The following ITPR2 variants were observed in gnomAD, a reference collection of about 807,000 sequenced individuals.
ITPR2 encodes the protein inositol 1,4,5-trisphosphate receptor type 2, also known as inositol 1,4,5-trisphosphate-gated calcium channel ITPR2.
ITPR2 carries 207 observed loss-of-function variants against 317.1 expected under a neutral mutation model. The observed-to-expected ratio is 0.65, with a 90% CI of 0.58 to 0.73. The LOEUF is 0.73. Among genes scored for constraint, ITPR2 ranks in the 30% least tolerant of loss-of-function variants. The pLI is 0.00. For synonymous variants in ITPR2, 1,156 were observed against 1,149.1 expected (o/e 1.01, Z -0.12); for missense variants, 2,613 against 3,284.0 (o/e 0.80, Z 4.99).
intron 48 of ITPR2, among the ~76,000 whole-genome samples, chr12:26,433,957 A>G (rs1941285641): frequency 6.6e-6 from 1 of 152,208 alleles, no homozygotes; most frequent in Non-Finnish European, 1.5e-5. Flanking sequence ...ATAAAAGATA[A>G]ACTTCATACT....
At chr12:26,595,957 A>G (rs963092970) in intron 31 of ITPR2, among the ~76,000 whole-genome samples, 4 of 152,174 alleles carry the variant, frequency 2.6e-5, no homozygotes, top group African/African-American at 9.7e-5. Context: ...AACAGTAGAA[A>G]AGAAAGACAT....
intron 45 of ITPR2, among the ~76,000 whole-genome samples, chr12:26,444,931 A>AT (rs1260643927): frequency 2.0e-5 from 3 of 152,176 alleles, no homozygotes; most frequent in Middle Eastern, 3.4e-3. Context: ...TTCTATTTAC[A>AT]TTTTTTTAAC....
chr12:26,437,767 G>A (rs1941389785), intron 47 of ITPR2, among the ~76,000 whole-genome samples: 1 of 152,010 alleles, frequency 6.6e-6, no homozygotes, highest in African/African-American at 2.4e-5. Context: ...TATTGTCAAG[G>A]AGAAAATATA....
chr12:26,374,928 T>C (rs1178484544), intron 55 of ITPR2, among the ~76,000 whole-genome samples: 3 of 152,260 alleles, frequency 2.0e-5, no homozygotes, highest in Non-Finnish European at 4.4e-5. Context: ...GGACATGCGG[T>C]TGCCTGATAA....
At chr12:26,468,319 T>C (rs1231251109) in intron 45 of ITPR2, among the ~76,000 whole-genome samples, 4 of 152,234 alleles carry the variant, frequency 2.6e-5, no homozygotes, top group African/African-American at 9.6e-5. Flanking sequence ...TAGGGCCTGT[T>C]GATACAGAGT....
Position 26,659,949 on chromosome 12 carries a change from A to C in ITPR2, c.1714-664T>G, listed in dbSNP as rs74920929. On this transcript the variant is annotated intron_variant, in intron 15 of 56. Transcript: ENST00000381340. ...TCTTTAAAAAGCCACCAAACAGGGC[A>C]ATGTGATTAATCACTTTATTGATTA... Among the ~76,000 whole-genome samples the C allele has an allele frequency of 4.6e-4, 70 of 152,370 alleles. 1 individual carries two copies. Among genetic ancestry groups the C allele is most frequent in the East Asian group, 4.2e-3 (22 of 5,186 alleles).
At chr12:26,413,846 G>A (rs953188438) in intron 51 of ITPR2, among the ~76,000 whole-genome samples, 6 of 152,052 alleles carry the variant, frequency 3.9e-5, no homozygotes, top group African/African-American at 1.2e-4. Flanking sequence ...ATAACACAAT[G>A]ATAACCAAGT....
intron 2 of ITPR2, among the ~76,000 whole-genome samples, chr12:26,788,570 C>CAA (rs909122991): frequency 2.6e-5 from 4 of 152,162 alleles, no homozygotes; most frequent in African/African-American, 9.7e-5. Context: ...ACTCTGAACT[C>CAA]AGTGTGCCTC....
rs548849802 is a variant in ITPR2, at chr12:26,778,054, G to A, written c.163+12103C>T. ...TTAGCTCAGGTTCAACTTACAGTGGGTCCAGTGAGTCCCAGGAGTCATCCT... is the reference window on the plus strand; with the variant it reads ...TTAGCTCAGGTTCAACTTACAGTGGATCCAGTGAGTCCCAGGAGTCATCCT... On this transcript the variant is annotated intron_variant, in intron 2 of 56. Transcript: ENST00000381340. 3.3e-5 allele frequency among the ~76,000 whole-genome samples: 5 copies of A among 152,224 alleles called. No homozygotes were observed. In the East Asian group the frequency reaches 5.8e-4, roughly 18 times the overall value.
At chr12:26,788,056 G>C (rs1021107674) in intron 2 of ITPR2, among the ~76,000 whole-genome samples, 12 of 151,714 alleles carry the variant, frequency 7.9e-5, no homozygotes, top group Admixed American at 2.6e-4. Flanking sequence ...CTGAGTGGCT[G>C]GGATTACAGG....
chr12:26,399,173 A>G, intron 53 of ITPR2, 132 bp from the exon 54 acceptor site: 1 of 621,618 alleles, frequency 1.6e-6, no homozygotes, highest in Non-Finnish European at 2.5e-6. Flanking sequence ...AATAAGGCTC[A>G]CTTTCCATCT....
intron 21 of ITPR2, among the ~76,000 whole-genome samples, chr12:26,653,208 G>A (rs975231945): frequency 3.3e-5 from 5 of 150,100 alleles, no homozygotes; most frequent in East Asian, 2.0e-4. Flanking sequence ...CTTCTCTGGC[G>A]TGATACTTTG....
At chr12:26,599,108 T>G in intron 30 of ITPR2, 37 bp downstream of exon 30, 1 of 1,559,830 alleles carries the variant, frequency 6.4e-7, no homozygotes, top group Non-Finnish European at 8.8e-7. Context: ...AACATACTGT[T>G]TAGGTGAAGC....
intron 2 of ITPR2, 62 bp downstream of exon 2, chr12:26,790,095 G>C: frequency 1.9e-6 from 2 of 1,057,424 alleles, no homozygotes; most frequent in South Asian, 2.6e-5. Flanking sequence ...TACTTACTTT[G>C]AGACATAAAA....
rs1196414915 is a variant in ITPR2, at chr12:26,678,337, AG to A, written c.1409+3536del. Among the ~76,000 whole-genome samples the A allele has an allele frequency of 8.5e-5, 13 of 152,216 alleles. No homozygotes were observed. The East Asian group carries it at 1.9e-3, about 23-fold the overall frequency. ...TTCCATTGAAAAATATCTAATGTTG[AG>A]GGTCTTGAAGCATAACACAGGAACT... On this transcript the variant is annotated intron_variant, in intron 13 of 56. Transcript: ENST00000381340.
chr12:26,436,895 T>C (rs531834170), intron 47 of ITPR2, among the ~76,000 whole-genome samples: 67 of 152,352 alleles, frequency 4.4e-4, no homozygotes, highest in African/African-American at 1.5e-3. Context: ...ATTTATAATA[T>C]TATCTACATT....
rs1565575887 is a variant in ITPR2, at chr12:26,518,024, A to C, written c.5074-22764T>G. On this transcript the variant is annotated intron_variant, in intron 37 of 56. Transcript: ENST00000381340. ...ACCCAGCAATCCTGTTACTGGGTAT[A>C]TGCCCAAAGGAATATAAATTATTTT... is the stretch of plus-strand genomic sequence containing the variant. Among the ~76,000 whole-genome samples the C allele has an allele frequency of 2.6e-5, 4 of 152,244 alleles. No individual in the cohort carries two copies. In the South Asian group the frequency reaches 8.3e-4, roughly 31 times the overall value.
At chr12:26,370,082 G>GT (rs1939137537) in intron 55 of ITPR2, among the ~76,000 whole-genome samples, 1 of 152,134 alleles carries the variant, frequency 6.6e-6, no homozygotes, top group South Asian at 2.1e-4. Context: ...TTGCTGATCT[G>GT]TGTCCTTTAT....
chr12:26,430,504 T>C (rs982165943), intron 48 of ITPR2, among the ~76,000 whole-genome samples: 17 of 152,210 alleles, frequency 1.1e-4, no homozygotes, highest in African/African-American at 4.1e-4. Flanking sequence ...CCTCAGGTGA[T>C]CCACCTGCCT....
Sources: gnomAD v4.1 joint callset for allele counts (sites outside exome capture counted in the v4.1 genomes callset) on GRCh38, gnomAD v4.1.1 for gene constraint, MANE v1.5 for transcripts, NCBI Gene and HGNC (gene_info 2026-07-23, HGNC 2026-07-21) for gene names.